Variants in CAST observed in about 807,000 individuals in gnomAD.
CAST encodes MIR583 host.
Under a neutral mutation model 119.6 loss-of-function variants are expected in CAST, and 76 were observed. The ratio of observed to expected loss-of-function variants is 0.64; its 90% CI spans 0.53 to 0.77. CAST has a LOEUF of 0.77. Ranked by LOEUF, CAST falls within the 30% of genes least tolerant of loss-of-function variation. CAST has a pLI of 0.00. For missense variants in CAST, 953 were observed against 946.5 expected (o/e 1.01, Z -0.09); for synonymous variants, 319 against 331.6 (o/e 0.96, Z 0.41).
At chr5:96,200,397 C>T in the CAST span, among the ~76,000 whole-genome samples, 2 of 152,066 alleles carry the variant, frequency 1.3e-5, no homozygotes, top group Admixed American at 6.6e-5. Context: ...AGTCAGTTTT[C>T]CCCCATTTGG....
intron 1 of CAST, among the ~76,000 whole-genome samples, chr5:96,590,863 A>G (rs1029012334): frequency 7.9e-5 from 12 of 152,246 alleles, no homozygotes; most frequent in Non-Finnish European, 1.5e-4. Context: ...TAATATTAAT[A>G]AATATTAACT....
chr5:96,760,936 G>A (rs1406809435), intron 24 of CAST: 2 of 151,966 alleles, frequency 1.3e-5, no homozygotes, highest in East Asian at 1.9e-4. Flanking sequence ...GCATTTTTCA[G>A]TACTTTTAGG....
At chr5:96,586,291 T>A (rs777317396) in intron 1 of CAST, among the ~76,000 whole-genome samples, 10 of 152,236 alleles carry the variant, frequency 6.6e-5, no homozygotes, top group Non-Finnish European at 1.5e-4. Context: ...TATGTTTTTG[T>A]ATTTGGTTTA....
chr5:96,465,433 T>A, the CAST span, among the ~76,000 whole-genome samples: 1 of 152,130 alleles, frequency 6.6e-6, no homozygotes. Context: ...TCCAGCACAA[T>A]GTGAAATGGA....
the CAST span, among the ~76,000 whole-genome samples, chr5:96,094,527 C>A: frequency 6.6e-6 from 1 of 151,836 alleles, no homozygotes; most frequent in African/African-American, 2.4e-5. Context: ...TAGAAGAGAG[C>A]TGTGCTGCGA....
At chr5:96,550,050 C>T (rs1000862881) in intron 1 of CAST, among the ~76,000 whole-genome samples, 5 of 152,222 alleles carry the variant, frequency 3.3e-5, no homozygotes, top group Admixed American at 6.5e-5. Context: ...CTCAAGAGAG[C>T]AGTAGTTCTC....
intron 1 of CAST, among the ~76,000 whole-genome samples, chr5:96,609,330 T>C (rs550586542): frequency 6.6e-6 from 1 of 152,342 alleles, no homozygotes; most frequent in African/African-American, 2.4e-5. Flanking sequence ...AATGAAGATA[T>C]AAAATACGTG....
chr5:96,500,163 G>A, the CAST span, among the ~76,000 whole-genome samples: 5 of 152,030 alleles, frequency 3.3e-5, no homozygotes, highest in African/African-American at 7.2e-5. Flanking sequence ...TGATGAAAAC[G>A]TTTTGCAATG....
chr5:96,084,086 A>G, the CAST span, among the ~76,000 whole-genome samples: 3 of 152,232 alleles, frequency 2.0e-5, no homozygotes, highest in Non-Finnish European at 4.4e-5. Flanking sequence ...AAAACATTAT[A>G]ATTAGGCTTC....
chr5:96,748,589 A>G lies in CAST; in HGVS notation c.1404A>G (p.Pro468=). 1 of 1,541,054 alleles carries G rather than the reference A, an allele frequency of 6.5e-7. No individual in the cohort carries two copies. The highest frequency in any genetic ancestry group is 1.1e-5 in the South Asian group (1 of 89,284). Residue 468 remains proline (P), a synonymous_variant, in exon 19 of 32, where the codon CCA becomes CCG. Coordinates refer to ENST00000675179, the MANE Select transcript of CAST (RefSeq NM_001750.7). ...ACCGGTCTGAATGTAAAGAGAAACC[A>G]TCTAAGCCAACTGAAAAGACAGAAG... is the stretch of plus-strand genomic sequence containing the variant. ...DFDRSECKEK[P]SKPTEKTEES...
At chr5:96,550,583 T>A (rs781150265) in intron 1 of CAST, among the ~76,000 whole-genome samples, 1 of 152,164 alleles carries the variant, frequency 6.6e-6, no homozygotes, top group Non-Finnish European at 1.5e-5. Context: ...TTGACAGAAG[T>A]AGGCTTCAGA....
the CAST span, among the ~76,000 whole-genome samples, chr5:96,492,327 G>T: frequency 6.6e-6 from 1 of 152,140 alleles, no homozygotes; most frequent in Non-Finnish European, 1.5e-5. Context: ...TGCTTAAGTT[G>T]GGTCTTGAGT....
the CAST span, chr5:95,961,983 G>C: frequency 2.3e-6 from 1 of 425,692 alleles, no homozygotes; most frequent in East Asian, 3.6e-5. Context: ...CCACTCTCAC[G>C]GGGGCGGGCC....
the CAST span, among the ~76,000 whole-genome samples, chr5:96,043,873 G>C: frequency 6.6e-6 from 1 of 152,114 alleles, no homozygotes; most frequent in Non-Finnish European, 1.5e-5. Context: ...CTGTCAGAAT[G>C]GGAGAAGAGA....
At chr5:96,390,080 TGTTTA>T in the CAST span, among the ~76,000 whole-genome samples, 7 of 152,234 alleles carry the variant, frequency 4.6e-5, no homozygotes, top group Admixed American at 4.6e-4. Flanking sequence ...GTAGTAAGTC[TGTTTA>T]GTTTAGTTTA....
At chr5:96,022,395 T>C in the CAST span, among the ~76,000 whole-genome samples, 1 of 152,324 alleles carries the variant, frequency 6.6e-6, no homozygotes, top group South Asian at 2.1e-4. Context: ...GCAAATACCG[T>C]ACAACAAAGT....
the CAST span, among the ~76,000 whole-genome samples, chr5:96,085,950 G>T: frequency 4.1e-4 from 61 of 150,538 alleles, no homozygotes; most frequent in Non-Finnish European, 7.1e-4. Flanking sequence ...GAATATAGTG[G>T]TATCATCATC....
chr5:95,989,447 G>A, the CAST span, among the ~76,000 whole-genome samples: 1,855 of 152,238 alleles, frequency 0.012, 30 homozygotes, highest in African/African-American at 0.041. Context: ...TTTTAGAAAG[G>A]AAGCCGTATT....
At chr5:96,323,070 A>T in the CAST span, among the ~76,000 whole-genome samples, 3 of 152,108 alleles carry the variant, frequency 2.0e-5, no homozygotes, top group South Asian at 6.2e-4. Flanking sequence ...GCCTGAGGAA[A>T]ATTGACTTTT....
Sources: gnomAD v4.1 joint callset for allele counts (sites outside exome capture counted in the v4.1 genomes callset) on GRCh38, gnomAD v4.1.1 for gene constraint, MANE v1.5 for transcripts, NCBI Gene and HGNC (gene_info 2026-07-23, HGNC 2026-07-21) for gene names.